Variants in KAZN observed in about 807,000 individuals in gnomAD.
The protein encoded by KAZN is kazrin, periplakin interacting protein.
In KAZN, 40 loss-of-function variants were observed where a neutral mutation model predicts 87.4. That is an observed-to-expected ratio of 0.46 (90% CI 0.36 to 0.60). The LOEUF (loss-of-function observed/expected upper bound fraction) is 0.60. KAZN is among the 20% of genes least tolerant of loss of function. The pLI is 0.00. For missense variants in KAZN, 898 were observed against 1,073.9 expected (o/e 0.84, Z 2.29); for synonymous variants, 466 against 458.3 (o/e 1.02, Z -0.22).
At chr1:14,869,891 G>A (rs1251864192) in intron 1 of KAZN, among the ~76,000 whole-genome samples, 3 of 152,216 alleles carry the variant, frequency 2.0e-5, no homozygotes, top group Non-Finnish European at 4.4e-5. Flanking sequence ...CTGCTGGGTT[G>A]TACCGGTCTC....
At chr1:14,864,675 G>A (rs1018470479) in intron 1 of KAZN, among the ~76,000 whole-genome samples, 6 of 152,186 alleles carry the variant, frequency 3.9e-5, no homozygotes, top group Admixed American at 1.3e-4. Context: ...GCTGGTGAAC[G>A]TGGTTTTTTT....
chr1:14,427,368 A>C (rs1213633056), intron 2 of KAZN, among the ~76,000 whole-genome samples: 1 of 152,190 alleles, frequency 6.6e-6, no homozygotes, highest in East Asian at 1.9e-4. Context: ...ACAGTGTTTA[A>C]ATGAGATAAT....
At chr1:15,091,933 T>C (rs1341055025) in intron 8 of KAZN, among the ~76,000 whole-genome samples, 1 of 152,128 alleles carries the variant, frequency 6.6e-6, no homozygotes, top group Non-Finnish European at 1.5e-5. Context: ...TGTAGACTTA[T>C]CACCTATTGT....
chr1:14,393,842 C>CAAAAAAA lies in KAZN; in HGVS notation c.250-205127_250-205121dup, dbSNP rs35205129. ...TGAGTGACAGAGCCAGACCCAATCTCAAAAAAAAAAAAAAAAAAAAGTCAT... is the reference window on the plus strand; with the variant it reads ...TGAGTGACAGAGCCAGACCCAATCTCAAAAAAAAAAAAAAAAAAAAAAAAAAAGTCAT... On this transcript the variant is annotated intron_variant, in intron 2 of 16. Transcript: ENST00000636203. 3.8e-3 allele frequency among the ~76,000 whole-genome samples: 331 copies of CAAAAAAA among 86,982 alleles called. 2 individuals carry two copies. Among genetic ancestry groups the CAAAAAAA allele is most frequent in the African/African-American group, 0.015 (302 of 19,684 alleles). The allele number at this position is 86,982 out of a possible 152,430, so 57.1% of individuals were successfully genotyped here. A position where few individuals can be genotyped will look rare whatever the true frequency, so the allele number is the denominator to read the frequency against.
intron 1 of KAZN, among the ~76,000 whole-genome samples, chr1:14,875,550 T>A (rs1444618207): frequency 1.3e-5 from 2 of 151,144 alleles, no homozygotes; most frequent in Admixed American, 6.6e-5. Flanking sequence ...CTTCTCCTAA[T>A]AGTGAAAATC....
chr1:15,021,312 C>T lies in KAZN; in HGVS notation c.419-13437C>T, dbSNP rs940968386. Among the ~76,000 whole-genome samples the T allele has an allele frequency of 5.3e-5, 8 of 152,178 alleles. No individual in the cohort carries two copies. The highest frequency in any genetic ancestry group is 1.9e-4 in the African/African-American group (8 of 41,436). On this transcript the variant is annotated intron_variant, in intron 2 of 14. Transcript: ENST00000376030. The surrounding 1 kb of genome is among the most constrained non-coding windows in gnomAD (Gnocchi z 4.2). ...GTCCTCGTTGTGTGGGGCATGGGGC[C>T]TGAGGCTGATATTGCATTTCCAGAA...
chr1:14,789,127 A>C (rs1293841012), intron 1 of KAZN, among the ~76,000 whole-genome samples: 1 of 152,074 alleles, frequency 6.6e-6, no homozygotes, highest in East Asian at 1.9e-4. Flanking sequence ...CCCTCATTTG[A>C]TATTCACTGA....
chr1:14,381,911 T>C (rs1661400454), intron 2 of KAZN, among the ~76,000 whole-genome samples: 1 of 152,148 alleles, frequency 6.6e-6, no homozygotes, highest in African/African-American at 2.4e-5. Context: ...GATGATACAA[T>C]CTTATATTTG....
intron 1 of KAZN, among the ~76,000 whole-genome samples, chr1:14,715,163 C>T (rs929764777): frequency 1.3e-5 from 2 of 152,176 alleles, no homozygotes; most frequent in Non-Finnish European, 2.9e-5. Flanking sequence ...AATTCCTGGA[C>T]TCAAGGGATC....
intron 2 of KAZN, among the ~76,000 whole-genome samples, chr1:14,238,836 C>A (rs973745525): frequency 6.6e-5 from 10 of 152,228 alleles, no homozygotes; most frequent in Admixed American, 2.0e-4. Context: ...ACAAACACCA[C>A]CATTTCATTT....
intron 2 of KAZN, among the ~76,000 whole-genome samples, chr1:15,028,110 G>A (rs2102208312): frequency 6.6e-6 from 1 of 152,324 alleles, no homozygotes; most frequent in Middle Eastern, 3.4e-3. Flanking sequence ...TCATCGTGGG[G>A]CCACAGCTGG....
At chr1:15,052,011 G>T (rs1337165164) in intron 4 of KAZN, among the ~76,000 whole-genome samples, 1 of 152,210 alleles carries the variant, frequency 6.6e-6, no homozygotes, top group Non-Finnish European at 1.5e-5. Flanking sequence ...GAGGCTGGAG[G>T]CTCAGAGAGG....
chr1:14,075,913 G>A (rs1483262803), intron 1 of KAZN, among the ~76,000 whole-genome samples: 1 of 152,182 alleles, frequency 6.6e-6, no homozygotes, highest in Non-Finnish European at 1.5e-5. Flanking sequence ...ACCTTGGAAT[G>A]TGACCTTATT....
chr1:15,028,273 G>A (rs1026241922), intron 2 of KAZN, among the ~76,000 whole-genome samples: 1 of 152,224 alleles, frequency 6.6e-6, no homozygotes, highest in Non-Finnish European at 1.5e-5. Flanking sequence ...GGCCTGCTGG[G>A]CGTGACATCA....
intron 7 of KAZN, 65 bp from the exon 8 acceptor site, chr1:15,065,565 A>C: frequency 7.1e-7 from 1 of 1,404,536 alleles, no homozygotes; most frequent in South Asian, 1.3e-5. Context: ...TGCAGTCTGC[A>C]CCCCAGCTAA....
intron 2 of KAZN, among the ~76,000 whole-genome samples, chr1:14,568,657 G>A (rs1274805328): frequency 2.0e-5 from 3 of 152,108 alleles, no homozygotes; most frequent in Admixed American, 6.5e-5. Flanking sequence ...ACAATTCAAG[G>A]TGGGATTTGG....
chr1:14,410,702 C>CA (rs1316287109), intron 2 of KAZN, among the ~76,000 whole-genome samples: 1 of 152,174 alleles, frequency 6.6e-6, no homozygotes, highest in Non-Finnish European at 1.5e-5. Context: ...AGATTTCATA[C>CA]AGACACACAC....
chr1:14,409,816 A>G (rs1029428123), intron 2 of KAZN, among the ~76,000 whole-genome samples: 1 of 152,248 alleles, frequency 6.6e-6, no homozygotes, highest in African/African-American at 2.4e-5. Context: ...TATCTGAAAG[A>G]TAGTATTTTC....
chr1:14,470,373 T>A (rs936956548), intron 2 of KAZN, among the ~76,000 whole-genome samples: 2 of 152,056 alleles, frequency 1.3e-5, no homozygotes, highest in African/African-American at 4.8e-5. Context: ...GGCCTTGGAA[T>A]TAGACCAGGG....
Sources: allele counts gnomAD v4.1 joint callset (sites outside exome capture counted in the v4.1 genomes callset), GRCh38; gene constraint gnomAD v4.1.1; non-coding constraint Gnocchi (gnomAD v3.1); transcripts MANE v1.5; gene names NCBI Gene and HGNC (gene_info 2026-07-23, HGNC 2026-07-21).